PRKAR1B: variants seen among roughly 807,000 people sequenced by gnomAD.
PRKAR1B encodes the protein cAMP-dependent protein kinase type I-beta regulatory subunit.
In PRKAR1B, 22 loss-of-function variants were observed where a neutral mutation model predicts 46.5. That is an observed-to-expected ratio of 0.47 (90% CI 0.34 to 0.68). The LOEUF (loss-of-function observed/expected upper bound fraction) is 0.68, where lower values mean the gene tolerates loss of function less well. PRKAR1B is among the 30% of genes least tolerant of loss of function. PRKAR1B has a pLI of 0.01. For missense variants in PRKAR1B, 445 were observed against 535.6 expected, an observed-to-expected ratio of 0.83 and a Z score of 1.67; for synonymous variants, 259 against 217.7, an observed-to-expected ratio of 1.19 and a Z score of -1.67.
chr7:550,477 T>G lies in PRKAR1B; in HGVS notation c.1099A>C (p.Lys367Gln). The G allele has an allele frequency of 6.3e-7, 1 of 1,598,550 alleles. No individual in the cohort carries two copies. Among genetic ancestry groups the G allele is most frequent in the Non-Finnish European group, 8.5e-7 (1 of 1,173,106 alleles). Reference protein sequence around the residue: ...RVLGPCSEILKRNIQRYNSFI... With the variant: ...RVLGPCSEILQRNIQRYNSFI... ...CTGTTGTAACGCTGAATGTTCCTCT[T>G]GAGGATCTCAGAGCAGGGCCCCAGC... Residue 367 changes from lysine (K) to glutamine (Q), a missense_variant, in exon 11 of 11, where the codon AAG (lysine) becomes CAG (glutamine). Coordinates refer to ENST00000537384, the MANE Select transcript of PRKAR1B (RefSeq NM_001164760.2).
intron 2 of PRKAR1B, among the ~76,000 whole-genome samples, chr7:695,830 A>T (rs762670948): frequency 6.0e-5 from 9 of 151,248 alleles, no homozygotes; most frequent in Non-Finnish European, 1.3e-4. Flanking sequence ...TGCCCGGCTA[A>T]TTTTTTTGTA....
intron 6 of PRKAR1B, among the ~76,000 whole-genome samples, chr7:603,589 C>G (rs1781776957): frequency 6.8e-6 from 1 of 147,610 alleles, no homozygotes; most frequent in South Asian, 2.1e-4. Context: ...GAGGAGGCGA[C>G]ATGATGACTC....
intron 2 of PRKAR1B, among the ~76,000 whole-genome samples, chr7:698,926 G>A (rs1373020867): frequency 6.6e-6 from 1 of 152,206 alleles, no homozygotes; most frequent in African/African-American, 2.4e-5. Context: ...GCAGCAGCTG[G>A]TGATTCAGCC....
intron 9 of PRKAR1B, among the ~76,000 whole-genome samples, chr7:572,769 G>A (rs148833188): frequency 0.019 from 2,880 of 152,326 alleles, 21 homozygotes; most frequent in Admixed American, 0.032. Context: ...AGAAAGGTGA[G>A]GCGGGAGCTC....
At chr7:685,867 C>T (rs1453520029) in intron 2 of PRKAR1B, among the ~76,000 whole-genome samples, 2 of 152,056 alleles carry the variant, frequency 1.3e-5, no homozygotes, top group African/African-American at 2.4e-5. Context: ...GCATAAAAGG[C>T]ATAATTCTAG....
chr7:653,827 CATG>C (rs542776574), intron 4 of PRKAR1B, among the ~76,000 whole-genome samples: 17 of 152,152 alleles, frequency 1.1e-4, no homozygotes, highest in Non-Finnish European at 2.2e-4. Context: ...CCCTTATTAC[CATG>C]ATAATTATCA....
chr7:648,439 C>G (rs1784732334), intron 4 of PRKAR1B, among the ~76,000 whole-genome samples: 1 of 151,746 alleles, frequency 6.6e-6, no homozygotes. Flanking sequence ...TGGCAAAACT[C>G]CATCTCTACA....
In PRKAR1B at chr7:606,222, A is replaced by C; in HGVS notation, c.520T>G (p.Phe174Val). The C allele has an allele frequency of 6.2e-7, 1 of 1,613,976 alleles. No homozygotes were observed. The highest frequency in any genetic ancestry group is 8.5e-7 in the Non-Finnish European group (1 of 1,179,870). Residue 174 changes from phenylalanine to valine, a missense_variant, in exon 6 of 11, where the codon TTC becomes GTC. Phe to Val is a conservative substitution (Grantham distance 50, BLOSUM62 -1). This residue lies in a region of PRKAR1B where 94 missense variants were observed against 126.9 expected (regional missense o/e 0.74). Coordinates refer to ENST00000537384, the MANE Select transcript of PRKAR1B (RefSeq NM_001164760.2). ...ACTTCCCCTTGATCAACGACATAGA[A>C]GTTGTCTCCTTCATTCCCTGTAACA... Reference protein sequence around the residue: ...VIQQGNEGDNFYVVDQGEVDV... With the variant: ...VIQQGNEGDNVYVVDQGEVDV...
chr7:584,116 G>A (rs1437626089), intron 8 of PRKAR1B, among the ~76,000 whole-genome samples: 2 of 152,140 alleles, frequency 1.3e-5, no homozygotes, highest in Non-Finnish European at 1.5e-5. Flanking sequence ...GCACAGGTCA[G>A]GGAAAGCAGC....
intron 4 of PRKAR1B, among the ~76,000 whole-genome samples, chr7:665,404 G>A (rs531116412): frequency 6.6e-6 from 1 of 152,280 alleles, no homozygotes; most frequent in South Asian, 2.1e-4. Context: ...CCACGGGGGA[G>A]CTCTAGAAAG....
intron 1 of PRKAR1B, among the ~76,000 whole-genome samples, chr7:713,391 C>T (rs939061687): frequency 5.3e-5 from 8 of 151,922 alleles, no homozygotes; most frequent in African/African-American, 1.7e-4. Context: ...CTCACCTGCC[C>T]GGCTTCCCTG....
chr7:593,437 A>G lies in PRKAR1B; in HGVS notation c.708+2709T>C, dbSNP rs1323400891. On this transcript the variant is annotated intron_variant, in intron 7 of 10. Coordinates refer to ENST00000537384, the MANE Select transcript of PRKAR1B (RefSeq NM_001164760.2). This position sits in a 1 kb window ranked among gnomAD's most constrained non-coding sequence, Gnocchi z 6.1. ...GCGCGGCCAGCTATTCTTAGCGCAC[A>G]GGGACCCAAAATTAAAACAGAGGAA... is the stretch of plus-strand genomic sequence containing the variant. Among the ~76,000 whole-genome samples the G allele has an allele frequency of 6.6e-6, 1 of 152,230 alleles. No homozygotes were observed. Among genetic ancestry groups the G allele is most frequent in the African/African-American group, 2.4e-5 (1 of 41,452 alleles).
Position 644,028 on chromosome 7 carries a change from C to G in PRKAR1B, c.440+33201G>C, listed in dbSNP as rs1179933344. Among the ~76,000 whole-genome samples the G allele has an allele frequency of 2.0e-5, 3 of 152,158 alleles. No individual in the cohort carries two copies. The highest frequency in any genetic ancestry group is 7.2e-5 in the African/African-American group (3 of 41,440). The stretch of plus-strand genomic sequence containing the variant: ...ACAAACCCGTGAGCATGATGAAATG[C>G]CGGCTGCCCAGTGCTACGAAGCTAG... On this transcript the variant is annotated intron_variant, in intron 4 of 10. Transcript: ENST00000537384. This position sits in a 1 kb window ranked among gnomAD's most constrained non-coding sequence, Gnocchi z 4.9.
In PRKAR1B at chr7:549,677, G is replaced by T. The variant is rs1784052268; in HGVS notation, c.*753C>A. 1 of 152,268 alleles carries T rather than the reference G, an allele frequency of 6.6e-6. No individual in the cohort carries two copies. The highest frequency in any genetic ancestry group is 2.4e-5 in the African/African-American group (1 of 41,426). 9.4% of individuals were successfully genotyped at this position (152,268 alleles called of 1,614,324 possible). A position where few individuals can be genotyped will look rare whatever the true frequency, so the allele number is the denominator to read the frequency against. On this transcript the variant is annotated 3_prime_UTR_variant, in exon 11 of 11. Transcript: ENST00000537384. ...TTTCTAAGAAAGGTGAGGACGGCCT[G>T]CTGGAGTCCCGCCAGCCCCTCCCAA... is the stretch of plus-strand genomic sequence containing the variant.
chr7:686,830 G>A (rs562254702), intron 2 of PRKAR1B, among the ~76,000 whole-genome samples: 81 of 152,214 alleles, frequency 5.3e-4, no homozygotes, highest in African/African-American at 1.4e-3. Context: ...ACAAGCAGCC[G>A]AGAAGCTGAC....
At chr7:599,581 C>A (rs758585788) in intron 6 of PRKAR1B, among the ~76,000 whole-genome samples, 2 of 152,220 alleles carry the variant, frequency 1.3e-5, no homozygotes, top group African/African-American at 4.8e-5. Context: ...AGCCACCACG[C>A]CCAGCTTCTC....
chr7:634,477 C>G (rs76100111), intron 4 of PRKAR1B, among the ~76,000 whole-genome samples: 1 of 151,752 alleles, frequency 6.6e-6, no homozygotes. Flanking sequence ...GACCCTGTCT[C>G]CAAAAAAAAA....
intron 7 of PRKAR1B, among the ~76,000 whole-genome samples, chr7:587,263 C>G (rs1780655162): frequency 6.6e-6 from 1 of 152,190 alleles, no homozygotes; most frequent in African/African-American, 2.4e-5. Flanking sequence ...AAGCATCTTC[C>G]CATCCACTCC....
At chr7:654,750 C>T (rs953757018) in intron 4 of PRKAR1B, among the ~76,000 whole-genome samples, 6 of 151,654 alleles carry the variant, frequency 4.0e-5, no homozygotes, top group African/African-American at 1.5e-4. Context: ...ACCGTCACCA[C>T]CATTCTTATC....
Sources: gnomAD v4.1 joint callset for allele counts (sites outside exome capture counted in the v4.1 genomes callset) on GRCh38, gnomAD v4.1.1 for gene constraint, gnomAD v4.1.1 regional missense constraint, Gnocchi (gnomAD v3.1) non-coding constraint, MANE v1.5 for transcripts, NCBI Gene and HGNC (gene_info 2026-07-23, HGNC 2026-07-21) for gene names.